ACOX3: variants seen among roughly 807,000 people sequenced by gnomAD.
ACOX3 encodes the protein acyl-CoA oxidase 3, pristanoyl, also known as peroxisomal acyl-coenzyme A oxidase 3.
A neutral mutation model predicts 81.5 loss-of-function variants in ACOX3; 73 were observed. The ratio of observed to expected loss-of-function variants is 0.90; its 90% CI spans 0.74 to 1.09. ACOX3 has a LOEUF of 1.09. Among genes scored for constraint, ACOX3 ranks in the 50% least tolerant of loss-of-function variants. The pLI, the probability that ACOX3 is intolerant of heterozygous loss-of-function variation, is 0.00. For missense variants in ACOX3, 947 were observed against 928.0 expected, an observed-to-expected ratio of 1.02 and a Z score of -0.27; for synonymous variants, 387 against 375.1, an observed-to-expected ratio of 1.03 and a Z score of -0.37.
chr4:8,359,279 T>A, the ACOX3 span, among the ~76,000 whole-genome samples: 2 of 152,102 alleles, frequency 1.3e-5, no homozygotes, highest in Non-Finnish European at 2.9e-5. The surrounding 1 kb of genome is among the most constrained non-coding windows in gnomAD (Gnocchi z 6.0). Flanking sequence ...AGTGGTGGGG[T>A]ACCTGGGTAA....
the ACOX3 span, chr4:8,357,992 AT>A: frequency 6.5e-6 from 1 of 153,108 alleles, no homozygotes; most frequent in Non-Finnish European, 1.5e-5. Flanking sequence ...CCGCTCTGGA[AT>A]TTAGACACAA....
At chr4:8,373,133 C>T (rs1432042276) in intron 16 of ACOX3, among the ~76,000 whole-genome samples, 2 of 152,156 alleles carry the variant, frequency 1.3e-5, no homozygotes, top group African/African-American at 4.8e-5. Context: ...GGCTGAGTCC[C>T]CCGAATGCTC....
chr4:8,378,842 G>C (rs1350049267), intron 14 of ACOX3, among the ~76,000 whole-genome samples: 1 of 152,208 alleles, frequency 6.6e-6, no homozygotes, highest in Non-Finnish European at 1.5e-5. Context: ...CCAGGTCAAA[G>C]AGTAAGCACA....
rs865840315 is a variant in ACOX3 at position 8,386,342 on chromosome 4, G to A, written c.1537+2831C>T. 4.6e-5 allele frequency among the ~76,000 whole-genome samples: 7 copies of A among 152,164 alleles called. No homozygotes were observed. The highest frequency in any genetic ancestry group is 3.9e-4 in the East Asian group (2 of 5,162). ...AGCACTTCGGGAGGCCAAGGTGGGC[G>A]GATCACGAGGTCAGGATATCGAGAC... On this transcript the variant is annotated intron_variant, in intron 13 of 17. Transcript: ENST00000356406. The surrounding 1 kb of genome is among the most constrained non-coding windows in gnomAD (Gnocchi z 5.2).
chr4:8,380,823 C>T (rs914697321), intron 14 of ACOX3, among the ~76,000 whole-genome samples: 1 of 152,204 alleles, frequency 6.6e-6, no homozygotes, highest in Admixed American at 6.5e-5. Flanking sequence ...CGCACTCCAG[C>T]CAAGAGTGCT....
chr4:8,384,418 G>A lies in ACOX3; in HGVS notation c.1538-2811C>T, dbSNP rs1175397535. ...AGTATCGCTGAAACAAACTAGGCAG[G>A]AAAACGGGCACTGACGGGCAGTGAA... is the stretch of plus-strand genomic sequence containing the variant. On this transcript the variant is annotated intron_variant, in intron 13 of 17. Coordinates refer to ENST00000356406, the MANE Select transcript of ACOX3 (RefSeq NM_003501.3). This position sits in a 1 kb window ranked among gnomAD's most constrained non-coding sequence, Gnocchi z 5.3. 6.6e-6 allele frequency among the ~76,000 whole-genome samples: 1 copy of A among 152,198 alleles called. No homozygotes were observed. Among genetic ancestry groups the A allele is most frequent in the Non-Finnish European group, 1.5e-5 (1 of 68,034 alleles).
the ACOX3 span, among the ~76,000 whole-genome samples, chr4:8,360,257 T>C: frequency 6.6e-6 from 1 of 152,168 alleles, no homozygotes; most frequent in African/African-American, 2.4e-5. Context: ...CTTTAACTAA[T>C]TGGTTTAAAA....
chr4:8,417,034 A>G (rs1249701637), intron 1 of ACOX3, among the ~76,000 whole-genome samples: 1 of 152,262 alleles, frequency 6.6e-6, no homozygotes, highest in Non-Finnish European at 1.5e-5. Flanking sequence ...GGCCTCCAGC[A>G]CAGAACCTCT....
At chr4:8,390,840 C>T (rs926024374) in intron 11 of ACOX3, among the ~76,000 whole-genome samples, 4 of 152,154 alleles carry the variant, frequency 2.6e-5, no homozygotes, top group African/African-American at 9.7e-5. Context: ...CCTAGAACAC[C>T]TGATTTTCTC....
At position 8,431,028 on chromosome 4, in the gene ACOX3, C is replaced by A. The variant is rs1202771163; in HGVS notation, c.-15+9620G>T. ...AAAAGACAAGGGCCTGAGATAAGGC[C>A]ATCTTGGTGGAGCTGGAGGGTGGAG... On this transcript the variant is annotated intron_variant, in intron 1 of 17. Coordinates refer to ENST00000356406, the MANE Select transcript of ACOX3 (RefSeq NM_003501.3). This position sits in a 1 kb window ranked among gnomAD's most constrained non-coding sequence, Gnocchi z 5.3. Among the ~76,000 whole-genome samples, 1 of 152,086 alleles carries A rather than the reference C, an allele frequency of 6.6e-6. No individual in the cohort carries two copies. The highest frequency in any genetic ancestry group is 2.4e-5 in the African/African-American group (1 of 41,410).
In ACOX3 at chr4:8,421,952, T is replaced by A. The variant is rs551479577; in HGVS notation, c.-14-5417A>T. Reference sequence around the variant, plus strand: ...AGACTCCTTGGCCAGGGCCTTAGAATTGATGACCCAGTACTTTAACAACTG... The same window carrying A: ...AGACTCCTTGGCCAGGGCCTTAGAAATGATGACCCAGTACTTTAACAACTG... On this transcript the variant is annotated intron_variant, in intron 1 of 17. Transcript: ENST00000356406. 2.0e-5 allele frequency among the ~76,000 whole-genome samples: 3 copies of A among 152,232 alleles called. 1 individual carries two copies. Among genetic ancestry groups the A allele is most frequent in the Non-Finnish European group, 4.4e-5 (3 of 68,042 alleles).
chr4:8,362,998 AATT>A (rs1715266368), downstream of ACOX3, among the ~76,000 whole-genome samples: 1 of 152,244 alleles, frequency 6.6e-6, no homozygotes, highest in Non-Finnish European at 1.5e-5. Context: ...TAGAGAGAGA[AATT>A]ATGTTTCAAG....
rs115281374 is a variant in ACOX3, at chr4:8,387,761, G to A, written c.1537+1412C>T. 2.6e-3 allele frequency among the ~76,000 whole-genome samples: 398 copies of A among 152,292 alleles called. 1 individual carries two copies. Among genetic ancestry groups the A allele is most frequent in the African/African-American group, 9.3e-3 (388 of 41,558 alleles). On this transcript the variant is annotated intron_variant, in intron 13 of 17. Coordinates refer to ENST00000356406, the MANE Select transcript of ACOX3 (RefSeq NM_003501.3). Reference sequence around the variant, plus strand: ...GTAACGAGAGATCCCGAGCTTTGCGGTCCCACAGGCTTGGGTTTGAATCCT... The same window carrying A: ...GTAACGAGAGATCCCGAGCTTTGCGATCCCACAGGCTTGGGTTTGAATCCT...
intron 7 of ACOX3, among the ~76,000 whole-genome samples, chr4:8,402,161 A>G (rs1484013859): frequency 2.0e-5 from 3 of 152,238 alleles, no homozygotes; most frequent in African/African-American, 7.2e-5. Flanking sequence ...ACACAGCGAC[A>G]GTTTCCACAC....
intron 1 of ACOX3, among the ~76,000 whole-genome samples, chr4:8,427,972 G>A (rs140367356): frequency 8.8e-4 from 134 of 152,332 alleles, no homozygotes; most frequent in Non-Finnish European, 1.6e-3. Context: ...AGTGCCCAGG[G>A]TCTACCGTCT....
At position 8,423,128 on chromosome 4, in the gene ACOX3, T is replaced by C. The variant is rs942291929; in HGVS notation, c.-14-6593A>G. Reference sequence around the variant, plus strand: ...AGTCTCTGGTCCTGGACAACCGTCCTCCAGATCTGTCACTACCCGAGGGGT... The same window carrying C: ...AGTCTCTGGTCCTGGACAACCGTCCCCCAGATCTGTCACTACCCGAGGGGT... On this transcript the variant is annotated intron_variant, in intron 1 of 17. Coordinates refer to ENST00000356406, the MANE Select transcript of ACOX3 (RefSeq NM_003501.3). This position sits in a 1 kb window ranked among gnomAD's most constrained non-coding sequence, Gnocchi z 4.2. Among the ~76,000 whole-genome samples the C allele has an allele frequency of 3.3e-5, 5 of 152,156 alleles. No homozygotes were observed. Among genetic ancestry groups the C allele is most frequent in the African/African-American group, 1.2e-4 (5 of 41,424 alleles).
chr4:8,370,419 C>T lies in ACOX3; in HGVS notation c.1983+489G>A, dbSNP rs1292826113. On this transcript the variant is annotated intron_variant, in intron 17 of 17. Transcript: ENST00000356406. The surrounding 1 kb of genome is among the most constrained non-coding windows in gnomAD (Gnocchi z 6.3). ...GGGGGCAGGAGGAGAGCTGAGGAGC[C>T]ACAGGGAGGCGGTTGGGGGAAAGCG... Among the ~76,000 whole-genome samples the T allele has an allele frequency of 6.6e-6, 1 of 151,752 alleles. No individual in the cohort carries two copies. Among genetic ancestry groups the T allele is most frequent in the African/African-American group, 2.4e-5 (1 of 41,284 alleles).
chr4:8,392,864 C>T (rs184373628), intron 10 of ACOX3, among the ~76,000 whole-genome samples: 1 of 152,296 alleles, frequency 6.6e-6, no homozygotes, highest in Non-Finnish European at 1.5e-5. Context: ...GACTCAGCAC[C>T]GCAGACAGTG....
Position 8,416,011 on chromosome 4 carries a change from G to A in ACOX3, c.145-12C>T. The A allele has an allele frequency of 6.2e-7, 1 of 1,611,426 alleles. No homozygotes were observed. Among genetic ancestry groups the A allele is most frequent in the African/African-American group, 1.3e-5 (1 of 74,974 alleles). On this transcript the variant is annotated splice_polypyrimidine_tract_variant and intron_variant, in intron 2 of 17. Coordinates refer to ENST00000356406, the MANE Select transcript of ACOX3 (RefSeq NM_003501.3). This position sits in a 1 kb window ranked among gnomAD's most constrained non-coding sequence, Gnocchi z 4.2. The stretch of plus-strand genomic sequence containing the variant: ...GAGAAGATGGTTTTCTGGAAATGCA[G>A]GAGATGGGTAAGGCTTATTTGGAGT...
Sources: gnomAD v4.1 joint callset for allele counts (sites outside exome capture counted in the v4.1 genomes callset) on GRCh38, gnomAD v4.1.1 for gene constraint, Gnocchi (gnomAD v3.1) non-coding constraint, MANE v1.5 for transcripts, NCBI Gene and HGNC (gene_info 2026-07-23, HGNC 2026-07-21) for gene names.